MAGI3: variants seen among roughly 807,000 people sequenced by gnomAD.
MAGI3 encodes membrane-associated guanylate kinase, WW and PDZ domain-containing protein 3.
Under a neutral mutation model 121.8 loss-of-function variants are expected in MAGI3, and 43 were observed. That is an observed-to-expected ratio of 0.35 (90% CI 0.28 to 0.46). The LOEUF (loss-of-function observed/expected upper bound fraction) is 0.46. MAGI3 is among the 20% of genes least tolerant of loss of function. MAGI3 has a pLI of 1.00. For synonymous variants in MAGI3, 553 were observed against 639.3 expected (o/e 0.86, Z 2.04); for missense variants, 1,547 against 1,797.3 (o/e 0.86, Z 2.52).
intron 2 of MAGI3, 70 bp from the exon 3 acceptor site, chr1:113,580,472 T>G: frequency 8.4e-6 from 12 of 1,430,254 alleles, no homozygotes; most frequent in Non-Finnish European, 1.0e-5. Context: ...AACTGAATAT[T>G]CTTTTACTTT....
At chr1:113,444,221 C>T (rs1002367205) in intron 1 of MAGI3, among the ~76,000 whole-genome samples, 1 of 152,192 alleles carries the variant, frequency 6.6e-6, no homozygotes, top group Non-Finnish European at 1.5e-5. Context: ...CTAGAGTGGG[C>T]AAAAAGCACC....
chr1:113,634,333 A>C (rs1446282286), intron 9 of MAGI3, among the ~76,000 whole-genome samples: 1 of 152,010 alleles, frequency 6.6e-6, no homozygotes, highest in African/African-American at 2.4e-5. Context: ...CTGAATGGTA[A>C]TGCCTAGGTT....
At position 113,684,045 on chromosome 1, in the gene MAGI3, G is replaced by A; in HGVS notation, c.*31G>A. On this transcript the variant is annotated 3_prime_UTR_variant, in exon 21 of 21. Coordinates refer to ENST00000307546, the MANE Select transcript of MAGI3 (RefSeq NM_001142782.2). Reference sequence around the variant, plus strand: ...AGTATAAAACAAAGAAAAACAAGTTGTAATCTTTTCTTACAGCAGCATTTT... The same window carrying A: ...AGTATAAAACAAAGAAAAACAAGTTATAATCTTTTCTTACAGCAGCATTTT... 6.8e-7 allele frequency: 1 copy of A among 1,460,164 alleles called. No individual in the cohort carries two copies. The allele number at this position is 1,460,164 out of a possible 1,614,324, so 90.5% of individuals were successfully genotyped here. A position where few individuals can be genotyped will look rare whatever the true frequency, so the allele number is the denominator to read the frequency against.
rs1480981343 is a variant in MAGI3 at position 113,422,799 on chromosome 1, T to C, written c.316+31450T>C. Among the ~76,000 whole-genome samples, 1 of 152,146 alleles carries C rather than the reference T, an allele frequency of 6.6e-6. No homozygotes were observed. Among genetic ancestry groups the C allele is most frequent in the Non-Finnish European group, 1.5e-5 (1 of 68,030 alleles). ...TTCGGGGGGCATGTTTTGGCCCAAT[T>C]GTGTTATAGCTCTTTCAGTCTCACT... On this transcript the variant is annotated intron_variant, in intron 1 of 20. Transcript: ENST00000307546. This position sits in a 1 kb window ranked among gnomAD's most constrained non-coding sequence, Gnocchi z 4.3.
At chr1:113,519,004 G>C (rs763443171) in intron 1 of MAGI3, among the ~76,000 whole-genome samples, 1 of 151,992 alleles carries the variant, frequency 6.6e-6, no homozygotes, top group Non-Finnish European at 1.5e-5. Context: ...CCGTTACTAC[G>C]AACTACACAT....
intron 6 of MAGI3, among the ~76,000 whole-genome samples, chr1:113,602,217 TATA>T (rs1345416376): frequency 1.6e-4 from 25 of 152,052 alleles, no homozygotes; most frequent in African/African-American, 5.5e-4. Flanking sequence ...AAACTTAAAG[TATA>T]ATAATAATAA....
chr1:113,621,556 A>G (rs1404844319), intron 8 of MAGI3, among the ~76,000 whole-genome samples: 2 of 152,150 alleles, frequency 1.3e-5, no homozygotes, highest in East Asian at 3.9e-4. Context: ...AAGATGAATG[A>G]AAATATGTCC....
chr1:113,539,345 A>G (rs1659163074), intron 1 of MAGI3, among the ~76,000 whole-genome samples: 2 of 151,626 alleles, frequency 1.3e-5, no homozygotes, highest in Admixed American at 1.3e-4. Context: ...GTGAGCCAAG[A>G]TCACGCCACT....
At chr1:113,662,197 TC>T (rs1351691529) in intron 16 of MAGI3, among the ~76,000 whole-genome samples, 1 of 152,194 alleles carries the variant, frequency 6.6e-6, no homozygotes, top group Non-Finnish European at 1.5e-5. Context: ...TCTTGGTCCC[TC>T]CATCCTTTTT....
At chr1:113,456,200 C>T (rs983127578) in intron 1 of MAGI3, among the ~76,000 whole-genome samples, 1 of 148,298 alleles carries the variant, frequency 6.7e-6, no homozygotes, top group Non-Finnish European at 1.5e-5. Context: ...CTCCTGACCT[C>T]GTGATCCGCC....
At chr1:113,616,755 C>G (rs563622061) in intron 7 of MAGI3, among the ~76,000 whole-genome samples, 4 of 152,008 alleles carry the variant, frequency 2.6e-5, no homozygotes, top group African/African-American at 9.6e-5. Context: ...TAATTATACA[C>G]ATTTTGGGGG....
In MAGI3 at chr1:113,663,737, G is replaced by A. The variant is rs138706445; in HGVS notation, c.2815+4472G>A. Among the ~76,000 whole-genome samples, 888 of 152,118 alleles carry A rather than the reference G, an allele frequency of 5.8e-3. 13 individuals are homozygous for A. The highest frequency in any genetic ancestry group is 0.017 in the African/African-American group (698 of 41,484). ...TACCTAGGAGTGGAATTGTTGGGTC[G>A]CATGGTAACTATGTTTAGCTTTTTG... On this transcript the variant is annotated intron_variant, in intron 16 of 20. Coordinates refer to ENST00000307546, the MANE Select transcript of MAGI3 (RefSeq NM_001142782.2).
intron 6 of MAGI3, among the ~76,000 whole-genome samples, chr1:113,603,690 G>A (rs1280326543): frequency 1.3e-5 from 2 of 152,082 alleles, no homozygotes; most frequent in African/African-American, 4.8e-5. Context: ...AGAGTAAACT[G>A]ACAACCTTCA....
intron 6 of MAGI3, among the ~76,000 whole-genome samples, chr1:113,602,130 A>T (rs1224521281): frequency 6.6e-6 from 1 of 152,044 alleles, no homozygotes; most frequent in Non-Finnish European, 1.5e-5. Flanking sequence ...CTAAATGACG[A>T]GTTAATGGGT....
At chr1:113,409,046 T>C (rs1450347894) in intron 1 of MAGI3, among the ~76,000 whole-genome samples, 2 of 152,048 alleles carry the variant, frequency 1.3e-5, no homozygotes, top group Non-Finnish European at 2.9e-5. Context: ...ACTTAGCAAA[T>C]TTAAGTTAAT....
At chr1:113,646,757 C>A in intron 12 of MAGI3, 115 bp downstream of exon 12, 1 of 780,374 alleles carries the variant, frequency 1.3e-6, no homozygotes, top group Non-Finnish European at 1.9e-6. Context: ...CCTTCATTAC[C>A]ATTTTAATAG....
intron 1 of MAGI3, among the ~76,000 whole-genome samples, chr1:113,491,890 C>T (rs1021164530): frequency 6.6e-6 from 1 of 151,980 alleles, no homozygotes; most frequent in African/African-American, 2.4e-5. Context: ...GCCTACCAAC[C>T]AAAAAGAGCC....
chr1:113,396,107 T>C (rs753207786), intron 1 of MAGI3, among the ~76,000 whole-genome samples: 6 of 152,172 alleles, frequency 3.9e-5, no homozygotes, highest in Non-Finnish European at 4.4e-5. Context: ...GTCTGACTTA[T>C]GAAGTCAGTG....
At chr1:113,535,935 T>G (rs1250908564) in intron 1 of MAGI3, among the ~76,000 whole-genome samples, 2 of 152,144 alleles carry the variant, frequency 1.3e-5, no homozygotes, top group Non-Finnish European at 2.9e-5. Context: ...GTTCTTCTCC[T>G]TTCTATTTTT....
Sources: gnomAD v4.1 joint callset for allele counts (sites outside exome capture counted in the v4.1 genomes callset) on GRCh38, gnomAD v4.1.1 for gene constraint, Gnocchi (gnomAD v3.1) non-coding constraint, MANE v1.5 for transcripts, NCBI Gene and HGNC (gene_info 2026-07-23, HGNC 2026-07-21) for gene names.